NDFIP2: variants seen among roughly 807,000 people sequenced by gnomAD.
NDFIP2 encodes NEDD4 family-interacting protein 2.
Under a neutral mutation model 36.0 loss-of-function variants are expected in NDFIP2, and 19 were observed. The ratio of observed to expected loss-of-function variants is 0.53; its 90% confidence interval spans 0.37 to 0.77. The LOEUF (loss-of-function observed/expected upper bound fraction) is 0.77, where lower values mean the gene tolerates loss of function less well. Among genes scored for constraint, NDFIP2 ranks in the 30% least tolerant of loss-of-function variants. The pLI, the probability that NDFIP2 is intolerant of heterozygous loss-of-function variation, is 0.00. For missense variants in NDFIP2, 446 were observed against 435.8 expected (o/e 1.02, Z -0.21); for synonymous variants, 181 against 167.7 (o/e 1.08, Z -0.61).
chr13:79,519,845 G>A (rs2137084776), intron 1 of NDFIP2, among the ~76,000 whole-genome samples: 1 of 152,334 alleles, frequency 6.6e-6, no homozygotes, highest in South Asian at 2.1e-4. Context: ...ACAATGTCAA[G>A]GCTGGAGTGC....
chr13:79,530,237 C>T (rs1874963285), intron 2 of NDFIP2, among the ~76,000 whole-genome samples: 1 of 152,066 alleles, frequency 6.6e-6, no homozygotes, highest in African/African-American at 2.4e-5. Flanking sequence ...AACGCTCCTG[C>T]CTCAGCCTCC....
rs908146057 is a variant in NDFIP2 at position 79,520,913 on chromosome 13, T to C, written c.425T>C (p.Leu142Pro). Residue 142 changes from leucine (L) to proline (P), a missense_variant, in exon 2 of 8, where the codon CTT (leucine) becomes CCT (proline). Transcript: ENST00000218652. ...CAGGCTGCGTCTTCAGCACCAGCAC[T>C]TGAAACTGACTCTTCCCCTCCACCA... ...IVQAASSAPA[L>P]ETDSSPPPYS... 3.7e-6 allele frequency: 6 copies of C among 1,613,834 alleles called. No homozygotes were observed. Among genetic ancestry groups the C allele is most frequent in the Non-Finnish European group, 5.1e-6 (6 of 1,179,826 alleles).
chr13:79,530,397 G>C (rs1173724863), intron 2 of NDFIP2, among the ~76,000 whole-genome samples: 1 of 152,196 alleles, frequency 6.6e-6, no homozygotes, highest in African/African-American at 2.4e-5. Flanking sequence ...GATTACAGGT[G>C]CCAGCTGCTG....
chr13:79,523,727 A>G (rs1874681392), intron 2 of NDFIP2, among the ~76,000 whole-genome samples: 1 of 152,186 alleles, frequency 6.6e-6, no homozygotes, highest in African/African-American at 2.4e-5. Flanking sequence ...TTATATGATG[A>G]GATGAAGTGA....
chr13:79,549,416 A>G (rs1393004212), intron 6 of NDFIP2, among the ~76,000 whole-genome samples: 2 of 151,882 alleles, frequency 1.3e-5, no homozygotes, highest in Non-Finnish European at 2.9e-5. Context: ...GTGTGTATAT[A>G]TATATTATTT....
intron 4 of NDFIP2, among the ~76,000 whole-genome samples, chr13:79,540,213 T>C (rs916817466): frequency 2.0e-5 from 3 of 152,212 alleles, no homozygotes; most frequent in African/African-American, 7.2e-5. Flanking sequence ...TGGAACAGTG[T>C]CACTTGGGAC....
At chr13:79,513,572 T>G (rs2140758142) in intron 1 of NDFIP2, among the ~76,000 whole-genome samples, 1 of 152,320 alleles carries the variant, frequency 6.6e-6, no homozygotes, top group Middle Eastern at 3.4e-3. Context: ...TGTTGGATTT[T>G]CAGAAGACTT....
At chr13:79,481,733 C>T (rs1329116590) in intron 1 of NDFIP2, among the ~76,000 whole-genome samples, 1 of 152,128 alleles carries the variant, frequency 6.6e-6, no homozygotes, top group Non-Finnish European at 1.5e-5. Flanking sequence ...TCTCTCTCGC[C>T]CCAAGTCTGC....
chr13:79,499,018 G>A (rs958221118), intron 1 of NDFIP2, among the ~76,000 whole-genome samples: 6 of 151,846 alleles, frequency 4.0e-5, no homozygotes, highest in Admixed American at 2.0e-4. Flanking sequence ...AAAATAACAA[G>A]TAAAATCCAA....
intron 1 of NDFIP2, among the ~76,000 whole-genome samples, chr13:79,482,827 C>T (rs758896219): frequency 5.3e-5 from 8 of 152,156 alleles, no homozygotes; most frequent in Non-Finnish European, 7.4e-5. Context: ...ATCAGCTTTT[C>T]TCAACAACTT....
intron 3 of NDFIP2, among the ~76,000 whole-genome samples, chr13:79,534,193 G>A (rs1174716567): frequency 1.3e-5 from 2 of 152,030 alleles, no homozygotes; most frequent in African/African-American, 4.8e-5. Flanking sequence ...TTCTTACATA[G>A]TTTGAATTCC....
chr13:79,511,021 G>A (rs1007182423), intron 1 of NDFIP2, among the ~76,000 whole-genome samples: 40 of 149,902 alleles, frequency 2.7e-4, no homozygotes, highest in African/African-American at 7.3e-4. Flanking sequence ...AAAAAAGGTG[G>A]CCTTGTTATA....
intron 3 of NDFIP2, 24 bp downstream of exon 3, chr13:79,533,480 T>C: frequency 6.4e-7 from 1 of 1,570,800 alleles, no homozygotes; most frequent in African/African-American, 1.4e-5. Flanking sequence ...ATCATTTCTT[T>C]TGATAAAATT....
intron 1 of NDFIP2, among the ~76,000 whole-genome samples, chr13:79,518,501 A>G (rs910261583): frequency 5.3e-5 from 8 of 152,206 alleles, no homozygotes; most frequent in African/African-American, 1.9e-4. Flanking sequence ...CTCTTGTTTT[A>G]CTTTGCATTT....
chr13:79,498,155 TAGAA>T (rs1873521328), intron 1 of NDFIP2, among the ~76,000 whole-genome samples: 1 of 151,906 alleles, frequency 6.6e-6, no homozygotes, highest in Non-Finnish European at 1.5e-5. Context: ...CATCTTAAAA[TAGAA>T]AGAGCTTGAA....
At position 79,520,877 on chromosome 13, in the gene NDFIP2, C is replaced by T. The variant is rs146047464; in HGVS notation, c.389C>T (p.Pro130Leu). Residue 130 changes from proline (P) to leucine (L), a missense_variant, in exon 2 of 8, where the codon CCG becomes CTG. This residue lies in a region of NDFIP2 where 369 missense variants were observed against 304.8 expected (regional missense o/e 1.21). Coordinates refer to ENST00000218652, the MANE Select transcript of NDFIP2 (RefSeq NM_019080.3). ...IEQPPTSNPA[P>L]QIVQAASSAP... ...CAGCCACCTACTTCAAACCCAGCACCGCAGATTGTGCAGGCTGCGTCTTCA... is the reference window on the plus strand; with the variant it reads ...CAGCCACCTACTTCAAACCCAGCACTGCAGATTGTGCAGGCTGCGTCTTCA... 5.9e-4 allele frequency: 948 copies of T among 1,613,940 alleles called. 2 individuals are homozygous for T. Among genetic ancestry groups the T allele is most frequent in the Non-Finnish European group, 7.6e-4 (891 of 1,179,882 alleles).
intron 2 of NDFIP2, among the ~76,000 whole-genome samples, chr13:79,530,299 T>C (rs1198302113): frequency 6.6e-6 from 1 of 152,136 alleles, no homozygotes; most frequent in Non-Finnish European, 1.5e-5. Flanking sequence ...TTAGTATTTT[T>C]AAAGATGGAG....
chr13:79,482,358 T>A (rs545425498), intron 1 of NDFIP2, among the ~76,000 whole-genome samples: 2 of 152,264 alleles, frequency 1.3e-5, no homozygotes, highest in African/African-American at 4.8e-5. Flanking sequence ...TGTCAATTTT[T>A]AAATATATTT....
At chr13:79,495,961 G>T (rs1873419496) in intron 1 of NDFIP2, among the ~76,000 whole-genome samples, 1 of 151,616 alleles carries the variant, frequency 6.6e-6, no homozygotes, top group African/African-American at 2.4e-5. Context: ...AACCACAAAG[G>T]TCCATTTACT....
Sources: allele counts gnomAD v4.1 joint callset (sites outside exome capture counted in the v4.1 genomes callset), GRCh38; gene constraint gnomAD v4.1.1; regional missense constraint gnomAD v4.1.1; transcripts MANE v1.5; gene names NCBI Gene and HGNC (gene_info 2026-07-23, HGNC 2026-07-21).